MGMT: variants seen among roughly 807,000 people sequenced by gnomAD.
The protein encoded by MGMT is methylated-DNA--protein-cysteine methyltransferase.
MGMT carries 14 observed loss-of-function variants against 15.9 expected under a neutral mutation model. That is an observed-to-expected ratio of 0.88 (90% CI 0.58 to 1.37). MGMT has a LOEUF of 1.37. Ranked by LOEUF, MGMT falls within the 40% of genes most tolerant of loss-of-function variation. The pLI, the probability that MGMT is intolerant of heterozygous loss-of-function variation, is 0.00. For synonymous variants in MGMT, 130 were observed against 118.2 expected, an observed-to-expected ratio of 1.10 and a Z score of -0.65; for missense variants, 282 against 268.1, an observed-to-expected ratio of 1.05 and a Z score of -0.36.
chr10:129,544,221 A>G (rs1846074821), intron 2 of MGMT, among the ~76,000 whole-genome samples: 1 of 152,138 alleles, frequency 6.6e-6, no homozygotes, highest in African/African-American at 2.4e-5. Flanking sequence ...GGCACAATCC[A>G]GTTCTCATCT....
chr10:129,514,192 A>C (rs986366040), intron 1 of MGMT, among the ~76,000 whole-genome samples: 3 of 152,232 alleles, frequency 2.0e-5, no homozygotes, highest in African/African-American at 7.2e-5. Flanking sequence ...TGAAATATAC[A>C]ATAGAGGTTT....
At chr10:129,471,863 G>T (rs541951486) in intron 1 of MGMT, among the ~76,000 whole-genome samples, 2 of 152,188 alleles carry the variant, frequency 1.3e-5, no homozygotes, top group Non-Finnish European at 2.9e-5. Context: ...TGGCATTGCT[G>T]CAGGTTTTCT....
intron 1 of MGMT, among the ~76,000 whole-genome samples, chr10:129,527,709 C>T (rs998667571): frequency 2.6e-5 from 4 of 152,132 alleles, no homozygotes; most frequent in Admixed American, 6.5e-5. Context: ...CCAGACGCCT[C>T]TCCCTGTCCC....
intron 3 of MGMT, among the ~76,000 whole-genome samples, chr10:129,734,539 G>A (rs944403307): frequency 4.1e-4 from 63 of 151,856 alleles, no homozygotes; most frequent in Non-Finnish European, 7.4e-4. Context: ...TTTCCTAATT[G>A]AATACCCTTT....
chr10:129,680,939 G>A (rs532140399), intron 2 of MGMT, among the ~76,000 whole-genome samples: 38 of 152,312 alleles, frequency 2.5e-4, no homozygotes, highest in African/African-American at 8.4e-4. Context: ...GTAAAGCGTC[G>A]CCACCATGCA....
chr10:129,533,954 A>C lies in MGMT; in HGVS notation c.-12-2287A>C, dbSNP rs75565384. Among the ~76,000 whole-genome samples, 1,279 of 152,196 alleles carry C rather than the reference A, an allele frequency of 8.4e-3. 11 individuals are homozygous for C. Among genetic ancestry groups the C allele is most frequent in the African/African-American group, 0.029 (1,214 of 41,526 alleles). ...GAGTTGGGGCAGCGTACTCCAGGGG[A>C]TAAGATCAGAGGTGAAGGGGGTTGG... On this transcript the variant is annotated intron_variant, in intron 1 of 4. Transcript: ENST00000651593. This position sits in a 1 kb window ranked among gnomAD's most constrained non-coding sequence, Gnocchi z 4.5.
intron 1 of MGMT, among the ~76,000 whole-genome samples, chr10:129,494,914 T>C (rs1342875016): frequency 6.6e-6 from 1 of 152,216 alleles, no homozygotes; most frequent in African/African-American, 2.4e-5. Context: ...TTCTCTGTGC[T>C]GTGTCAATAG....
intron 2 of MGMT, among the ~76,000 whole-genome samples, chr10:129,681,962 C>A (rs1237057684): frequency 6.6e-6 from 1 of 152,140 alleles, no homozygotes; most frequent in African/African-American, 2.4e-5. Context: ...AGAGGAGATA[C>A]GTAGGACCAT....
intron 1 of MGMT, among the ~76,000 whole-genome samples, chr10:129,496,071 GTTTTACTAT>G (rs1175466345): frequency 1.3e-5 from 2 of 152,132 alleles, no homozygotes; most frequent in African/African-American, 4.8e-5. Context: ...AGGCGGTTTT[GTTTTACTAT>G]TTGCCATTTA....
At chr10:129,748,004 A>G (rs942907601) in intron 3 of MGMT, among the ~76,000 whole-genome samples, 4 of 152,106 alleles carry the variant, frequency 2.6e-5, no homozygotes, top group Admixed American at 1.3e-4. Flanking sequence ...ATCATTGTTG[A>G]TGTCAACTTT....
At chr10:129,682,788 T>C (rs1564759781) in intron 2 of MGMT, among the ~76,000 whole-genome samples, 1 of 152,192 alleles carries the variant, frequency 6.6e-6, no homozygotes, top group African/African-American at 2.4e-5. Context: ...CACTAATATT[T>C]TTCTTGTGAA....
intron 2 of MGMT, among the ~76,000 whole-genome samples, chr10:129,670,709 A>G (rs1847711432): frequency 6.6e-6 from 1 of 152,234 alleles, no homozygotes; most frequent in African/African-American, 2.4e-5. Context: ...TATGAAGGAC[A>G]TATTATAAAC....
intron 2 of MGMT, among the ~76,000 whole-genome samples, chr10:129,594,709 A>C (rs1846730112): frequency 6.6e-6 from 1 of 152,242 alleles, no homozygotes; most frequent in African/African-American, 2.4e-5. Flanking sequence ...TGGAGACAGC[A>C]GAATCCTTGG....
chr10:129,579,804 A>C (rs1846530978), intron 2 of MGMT, among the ~76,000 whole-genome samples: 1 of 152,160 alleles, frequency 6.6e-6, no homozygotes, highest in Non-Finnish European at 1.5e-5. Flanking sequence ...CTCTCATGTT[A>C]ACTCTGTGAT....
At chr10:129,667,365 T>C (rs1431615602) in intron 2 of MGMT, among the ~76,000 whole-genome samples, 1 of 152,224 alleles carries the variant, frequency 6.6e-6, no homozygotes, top group African/African-American at 2.4e-5. Flanking sequence ...ACTGTACATA[T>C]AATAAATTAT....
At chr10:129,670,873 T>C (rs1054592707) in intron 2 of MGMT, among the ~76,000 whole-genome samples, 1 of 152,224 alleles carries the variant, frequency 6.6e-6, no homozygotes, top group African/African-American at 2.4e-5. Flanking sequence ...ATGAAAAGAT[T>C]TAATTTTTCT....
intron 3 of MGMT, 104 bp from the exon 4 acceptor site, chr10:129,759,097 TC>T: frequency 2.9e-6 from 4 of 1,387,090 alleles, no homozygotes; most frequent in Non-Finnish European, 4.0e-6. Flanking sequence ...GTATAATACC[TC>T]TATTTGTGTA....
intron 1 of MGMT, among the ~76,000 whole-genome samples, chr10:129,474,010 T>C (rs1845261644): frequency 6.6e-6 from 1 of 152,194 alleles, no homozygotes; most frequent in African/African-American, 2.4e-5. Context: ...TGCGGGACTG[T>C]GGCTACCGGT....
chr10:129,601,354 T>G (rs1846819502), intron 2 of MGMT, among the ~76,000 whole-genome samples: 1 of 152,092 alleles, frequency 6.6e-6, no homozygotes, highest in African/African-American at 2.4e-5. Context: ...CTGGGTGGGG[T>G]TTCTTTATGT....
Sources: allele counts gnomAD v4.1 joint callset (sites outside exome capture counted in the v4.1 genomes callset), GRCh38; gene constraint gnomAD v4.1.1; non-coding constraint Gnocchi (gnomAD v3.1); transcripts MANE v1.5; gene names NCBI Gene and HGNC (gene_info 2026-07-23, HGNC 2026-07-21).